ZBTB48: variants seen among roughly 807,000 people sequenced by gnomAD.
The protein encoded by ZBTB48 is zinc finger and BTB domain containing 48, also known as zinc finger and BTB domain-containing protein 48.
Under a neutral mutation model 64.5 loss-of-function variants are expected in ZBTB48, and 35 were observed. The observed-to-expected ratio is 0.54, with a 90% CI of 0.41 to 0.72. The LOEUF is 0.72. Ranked by LOEUF, ZBTB48 falls within the 30% of genes least tolerant of loss-of-function variation. ZBTB48 has a pLI of 0.00. For synonymous variants in ZBTB48, 442 were observed against 356.7 expected, an observed-to-expected ratio of 1.24 and a Z score of -2.70; for missense variants, 828 against 895.3, an observed-to-expected ratio of 0.92 and a Z score of 0.96.
chr1:6,581,404 G>A (rs1448108998), intron 2 of ZBTB48, 105 bp downstream of exon 2: 1 of 1,297,048 alleles, frequency 7.7e-7, no homozygotes, highest in African/African-American at 1.5e-5. Context: ...ACTCACGCCT[G>A]TAATCCTAGC....
At position 6,588,432 on chromosome 1, in the gene ZBTB48, G is replaced by A. The variant is rs771698438; in HGVS notation, c.1671G>A (p.Lys557=). 5 of 1,543,212 alleles carry A rather than the reference G, an allele frequency of 3.2e-6. No individual in the cohort carries two copies. In the East Asian group the frequency reaches 1.2e-4, roughly 36 times the overall value. ...CCCACTTCTGCCAGATATGCGGCAA[G>A]ACCTTCAAAGGTACCTGGGCGGCCC... is the stretch of plus-strand genomic sequence containing the variant. ...GRPHFCQICG[K]TFKAVEQLRV... is the part of the protein sequence containing the mutation. The change falls in exon 9 of 11, where the codon AAG becomes AAA. Residue 557 remains lysine, a synonymous_variant. Coordinates refer to ENST00000377674, the MANE Select transcript of ZBTB48 (RefSeq NM_005341.4).
intron 10 of ZBTB48, 33 bp downstream of exon 10, chr1:6,588,877 T>G: frequency 6.2e-7 from 1 of 1,613,802 alleles, no homozygotes; most frequent in Non-Finnish European, 8.5e-7. Flanking sequence ...TCCCCTACCC[T>G]AGGATCCCCC....
intron 4 of ZBTB48, chr1:6,586,397 C>A: frequency 1.9e-6 from 1 of 527,830 alleles, no homozygotes; most frequent in Non-Finnish European, 3.2e-6. Flanking sequence ...CCCGCCGAAA[C>A]CCAGGCCCAC....
At position 6,580,355 on chromosome 1, in the gene ZBTB48, C is replaced by T. The variant is rs531339453; in HGVS notation, c.-69-186C>T. Among the ~76,000 whole-genome samples the T allele has an allele frequency of 6.7e-3, 1,017 of 151,136 alleles. 9 individuals are homozygous for T. Among genetic ancestry groups the T allele is most frequent in the Non-Finnish European group, 0.011 (724 of 67,604 alleles). On this transcript the variant is annotated intron_variant, in intron 1 of 10. Coordinates refer to ENST00000377674, the MANE Select transcript of ZBTB48 (RefSeq NM_005341.4). This position sits in a 1 kb window ranked among gnomAD's most constrained non-coding sequence, Gnocchi z 5.2. ...CTTGGATTTTTCTCACCAGGCCCTT[C>T]TTCACGACCCTGGCCCCCCATCCAG... is the stretch of plus-strand genomic sequence containing the variant.
intron 9 of ZBTB48, 35 bp from the exon 10 acceptor site, chr1:6,588,721 C>T: frequency 6.2e-7 from 1 of 1,613,422 alleles, no homozygotes; most frequent in Non-Finnish European, 8.5e-7. Context: ...CCCGGGGCTC[C>T]TGCATGATCC....
At position 6,580,857 on chromosome 1, in the gene ZBTB48, G is replaced by A. The variant is rs1454715967; in HGVS notation, c.248G>A (p.Gly83Asp). Reference sequence around the variant, plus strand: ...CTCTTGTTGGACTTTTTCTACACTGGTCACCTCGCTCTCACCTCAGGGAAC... The same window carrying A: ...CTCTTGTTGGACTTTTTCTACACTGATCACCTCGCTCTCACCTCAGGGAAC... ...FGLLLDFFYTGHLALTSGNRD... is the reference protein window; with the variant it reads ...FGLLLDFFYTDHLALTSGNRD... The change falls in exon 2 of 11, where the codon GGT (glycine) becomes GAT (aspartate). Residue 83 changes from glycine to aspartate, a missense_variant. Gly to Asp is a moderately conservative substitution (Grantham distance 94). Coordinates refer to ENST00000377674, the MANE Select transcript of ZBTB48 (RefSeq NM_005341.4). The surrounding 1 kb of genome is among the most constrained non-coding windows in gnomAD (Gnocchi z 5.2). 1.9e-6 allele frequency: 3 copies of A among 1,614,138 alleles called. No individual in the cohort carries two copies. The highest frequency in any genetic ancestry group is 1.1e-5 in the South Asian group (1 of 91,086).
chr1:6,581,366 A>G (rs1640450843), intron 2 of ZBTB48, 67 bp downstream of exon 2: 4 of 1,463,114 alleles, frequency 2.7e-6, no homozygotes, highest in Non-Finnish European at 3.6e-6. Context: ...TTGGTATAAT[A>G]GGGACCCTGG....
At position 6,580,837 on chromosome 1, in the gene ZBTB48, G is replaced by T. The variant is rs1640419085; in HGVS notation, c.228G>T (p.Leu76Phe). Residue 76 changes from leucine (L) to phenylalanine (F), a missense_variant, in exon 2 of 11, where the codon TTG becomes TTT. Coordinates refer to ENST00000377674, the MANE Select transcript of ZBTB48 (RefSeq NM_005341.4). The surrounding 1 kb of genome is among the most constrained non-coding windows in gnomAD (Gnocchi z 5.2). The stretch of plus-strand genomic sequence containing the variant: ...GCTTCGCTGAGATCTTTGGCCTCTT[G>T]TTGGACTTTTTCTACACTGGTCACC... ...PAGFAEIFGLLLDFFYTGHLA... is the reference protein window; with the variant it reads ...PAGFAEIFGLFLDFFYTGHLA... 1 of 1,614,212 alleles carries T rather than the reference G, an allele frequency of 6.2e-7. No individual in the cohort carries two copies.
At chr1:6,587,735 C>T in intron 7 of ZBTB48, 103 bp downstream of exon 7, 1 of 1,509,808 alleles carries the variant, frequency 6.6e-7, no homozygotes, top group Non-Finnish European at 8.9e-7. Flanking sequence ...GATGAGTGTG[C>T]CCTTGGCCTC....
Position 6,581,015 on chromosome 1 carries a change from C to G in ZBTB48, c.406C>G (p.Gln136Glu), listed in dbSNP as rs750000305. ...GQSGLGPPAS[Q>E]NVNSHVKEPA... The stretch of plus-strand genomic sequence containing the variant: ...GAGTGGGCTGGGGCCCCCTGCCTCC[C>G]AGAATGTGAACAGCCACGTCAAGGA... Residue 136 changes from glutamine (Q) to glutamate (E), a missense_variant, in exon 2 of 11, where the codon CAG becomes GAG. Gln to Glu is a conservative substitution (Grantham distance 29). Transcript: ENST00000377674. 1 of 1,613,320 alleles carries G rather than the reference C, an allele frequency of 6.2e-7. No individual in the cohort carries two copies. Among genetic ancestry groups the G allele is most frequent in the African/African-American group, 1.3e-5 (1 of 74,930 alleles).
rs763166980 is a variant in ZBTB48, at chr1:6,581,003, C to T, written c.394C>T (p.Pro132Ser). 3.1e-6 allele frequency: 5 copies of T among 1,613,358 alleles called. No individual in the cohort carries two copies. Among genetic ancestry groups the T allele is most frequent in the Middle Eastern group, 1.6e-4 (1 of 6,062 alleles). The stretch of plus-strand genomic sequence containing the variant: ...AGCAGGTGGCCAGAGTGGGCTGGGG[C>T]CCCCTGCCTCCCAGAATGTGAACAG... ...QAAGGQSGLG[P>S]PASQNVNSHV... The change falls in exon 2 of 11, where the codon CCC (proline) becomes TCC (serine). Residue 132 changes from proline to serine, a missense_variant. Transcript: ENST00000377674.
Position 6,589,144 on chromosome 1 carries a change from A to G in ZBTB48, c.1999A>G (p.Thr667Ala). The change falls in exon 11 of 11, where the codon ACC becomes GCC. Residue 667 changes from threonine (T) to alanine (A), a missense_variant. Transcript: ENST00000377674. Reference protein sequence around the residue: ...GQRLCAEESFTGPGVLEPSLI... With the variant: ...GQRLCAEESFAGPGVLEPSLI... ...GAGACTGTGTGCAGAGGAGAGCTTC[A>G]CCGGCCCAGGTGTCCTGGAGCCCTC... 1 of 1,586,350 alleles carries G rather than the reference A, an allele frequency of 6.3e-7. No individual in the cohort carries two copies. Among genetic ancestry groups the G allele is most frequent in the South Asian group, 1.1e-5 (1 of 87,124 alleles).
At position 6,586,598 on chromosome 1, in the gene ZBTB48, G is replaced by C. The variant is rs556032910; in HGVS notation, c.1045-97G>C. The C allele has an allele frequency of 5.1e-4, 673 of 1,313,296 alleles. 2 individuals carry two copies. The African/African-American group carries it at 8.8e-3, about 17-fold the overall frequency. 81.4% of individuals were successfully genotyped at this position (1,313,296 alleles called of 1,614,324 possible). Reference sequence around the variant, plus strand: ...CTAGCGTCCCCACCCTCCCCAGGCAGACTCTTCCCAGCAGCAAGCGGAAGC... The same window carrying C: ...CTAGCGTCCCCACCCTCCCCAGGCACACTCTTCCCAGCAGCAAGCGGAAGC... On this transcript the variant is annotated intron_variant, in intron 4 of 10. Transcript: ENST00000377674.
chr1:6,587,388 C>T (rs535012406), intron 6 of ZBTB48, 90 bp from the exon 7 acceptor site: 74 of 1,606,750 alleles, frequency 4.6e-5, no homozygotes, highest in Middle Eastern at 3.6e-4. Context: ...TTCTGTTGTT[C>T]GGGGGGGTGC....
rs1640777718 is a variant in ZBTB48 at position 6,588,907 on chromosome 1, C to T, written c.1771-9C>T. 1 of 1,613,616 alleles carries T rather than the reference C, an allele frequency of 6.2e-7. No homozygotes were observed. The highest frequency in any genetic ancestry group is 8.5e-7 in the Non-Finnish European group (1 of 1,179,790). ...TCCCCCAAAGTTCTGAGCTCACCCT[C>T]CCCGCCAGGCCCACCTGCGGAGGCA... On this transcript the variant is annotated splice_polypyrimidine_tract_variant and intron_variant, in intron 10 of 10. Transcript: ENST00000377674.
chr1:6,581,800 TGA>T (rs1392676587), intron 2 of ZBTB48, among the ~76,000 whole-genome samples: 3 of 152,212 alleles, frequency 2.0e-5, no homozygotes, highest in Non-Finnish European at 2.9e-5. Context: ...GCCACCTTCC[TGA>T]GAGGAGTGGG....
At position 6,580,831 on chromosome 1, in the gene ZBTB48, C is replaced by A. The variant is rs1466863940; in HGVS notation, c.222C>A (p.Gly74=). The A allele has an allele frequency of 1.9e-6, 3 of 1,614,094 alleles. No homozygotes were observed. The highest frequency in any genetic ancestry group is 1.7e-5 in the Admixed American group (1 of 60,010). ...VLPAGFAEIF[G]LLLDFFYTGH... ...CTGCTGGCTTCGCTGAGATCTTTGGCCTCTTGTTGGACTTTTTCTACACTG... is the reference window on the plus strand; with the variant it reads ...CTGCTGGCTTCGCTGAGATCTTTGGACTCTTGTTGGACTTTTTCTACACTG... Residue 74 remains glycine, a synonymous_variant, in exon 2 of 11, where the codon GGC becomes GGA. Coordinates refer to ENST00000377674, the MANE Select transcript of ZBTB48 (RefSeq NM_005341.4). The surrounding 1 kb of genome is among the most constrained non-coding windows in gnomAD (Gnocchi z 5.2).
Position 6,584,272 on chromosome 1 carries a change from C to T in ZBTB48, c.933-1647C>T, listed in dbSNP as rs192082273. Among the ~76,000 whole-genome samples, 106 of 152,362 alleles carry T rather than the reference C, an allele frequency of 7.0e-4. No individual in the cohort carries two copies. Among genetic ancestry groups the T allele is most frequent in the Non-Finnish European group, 1.1e-3 (72 of 68,030 alleles). On this transcript the variant is annotated intron_variant, in intron 3 of 10. Transcript: ENST00000377674. The surrounding 1 kb of genome is among the most constrained non-coding windows in gnomAD (Gnocchi z 4.5). Reference sequence around the variant, plus strand: ...AAATAAAAATTCAGTTCCTCAGATACGTTAGCCAAATCTGAAGTGGTGAGG... The same window carrying T: ...AAATAAAAATTCAGTTCCTCAGATATGTTAGCCAAATCTGAAGTGGTGAGG...
intron 3 of ZBTB48, 109 bp downstream of exon 3, chr1:6,582,408 C>G (rs1208649224): frequency 7.1e-7 from 1 of 1,416,356 alleles, no homozygotes; most frequent in African/African-American, 1.4e-5. Context: ...GGATCCATCT[C>G]AGACCCACAT....
Sources: allele counts gnomAD v4.1 joint callset (sites outside exome capture counted in the v4.1 genomes callset), GRCh38; gene constraint gnomAD v4.1.1; non-coding constraint Gnocchi (gnomAD v3.1); transcripts MANE v1.5; gene names NCBI Gene and HGNC (gene_info 2026-07-23, HGNC 2026-07-21).